LRP8: variants seen among roughly 807,000 people sequenced by gnomAD.
LRP8 encodes the protein low-density lipoprotein receptor-related protein 8.
Under a neutral mutation model 111.6 loss-of-function variants are expected in LRP8, and 46 were observed. That is an observed-to-expected ratio of 0.41 (90% confidence interval 0.33 to 0.53). The LOEUF is 0.53. LRP8 is among the 20% of genes least tolerant of loss of function. LRP8 has a pLI of 0.20. For synonymous variants in LRP8, 464 were observed against 511.2 expected, an observed-to-expected ratio of 0.91 and a Z score of 1.24; for missense variants, 959 against 1,297.4, an observed-to-expected ratio of 0.74 and a Z score of 4.01.
intron 3 of LRP8, among the ~76,000 whole-genome samples, chr1:53,283,051 G>A (rs576617554): frequency 3.3e-5 from 5 of 152,124 alleles, no homozygotes; most frequent in African/African-American, 4.8e-5. Flanking sequence ...TGGTCTGAAC[G>A]TTGGTATCCC....
intron 2 of LRP8, among the ~76,000 whole-genome samples, chr1:53,300,575 G>A (rs1291923334): frequency 2.0e-5 from 3 of 152,314 alleles, no homozygotes; most frequent in Admixed American, 6.5e-5. Context: ...GAAGATCTGC[G>A]GCCCCACTGG....
At position 53,279,195 on chromosome 1, in the gene LRP8, C is replaced by G. The variant is rs114652322; in HGVS notation, c.496+1392G>C. On this transcript the variant is annotated intron_variant, in intron 4 of 18. Coordinates refer to ENST00000306052, the MANE Select transcript of LRP8 (RefSeq NM_004631.5). The surrounding 1 kb of genome is among the most constrained non-coding windows in gnomAD (Gnocchi z 4.4). ...CTACGTAGGCCGAGAGACCCTACTC[C>G]TAGCACTCACAAACGGAAGAAGCTC... Among the ~76,000 whole-genome samples the G allele has an allele frequency of 3.9e-3, 594 of 152,194 alleles. 5 individuals carry two copies. The highest frequency in any genetic ancestry group is 0.014 in the African/African-American group (572 of 41,504).
intron 3 of LRP8, among the ~76,000 whole-genome samples, chr1:53,281,484 C>T (rs1287652954): frequency 6.6e-6 from 1 of 152,240 alleles, no homozygotes; most frequent in Non-Finnish European, 1.5e-5. Context: ...CCGTGGTTGG[C>T]TCCCTTCAGC....
intron 2 of LRP8, among the ~76,000 whole-genome samples, chr1:53,321,785 C>T (rs977574186): frequency 6.6e-6 from 1 of 152,144 alleles, no homozygotes; most frequent in Admixed American, 6.5e-5. Context: ...GGGATGCAGG[C>T]CCTCCTCTCC....
rs1336066931 is a variant in LRP8, at chr1:53,317,847, C to T, written c.244+9026G>A. ...GGAAGAAGGCAGAAGGGAAAGTCACCCAAGGAACCTGGGCCTCAGGGTGGA... is the reference window on the plus strand; with the variant it reads ...GGAAGAAGGCAGAAGGGAAAGTCACTCAAGGAACCTGGGCCTCAGGGTGGA... On this transcript the variant is annotated intron_variant, in intron 2 of 18. Transcript: ENST00000306052. This position sits in a 1 kb window ranked among gnomAD's most constrained non-coding sequence, Gnocchi z 4.9. 6.6e-6 allele frequency among the ~76,000 whole-genome samples: 1 copy of T among 152,182 alleles called. No homozygotes were observed. Among genetic ancestry groups the T allele is most frequent in the Non-Finnish European group, 1.5e-5 (1 of 68,034 alleles).
In LRP8 at chr1:53,270,914, A is replaced by G. The variant is rs1572496974; in HGVS notation, c.1252+114T>C. 4.0e-6 allele frequency: 6 copies of G among 1,497,904 alleles called. No individual in the cohort carries two copies. In the East Asian group the frequency reaches 1.4e-4, roughly 34 times the overall value. The allele number at this position is 1,497,904 out of a possible 1,614,324, so 92.8% of individuals were successfully genotyped here. On this transcript the variant is annotated intron_variant, in intron 8 of 18. Transcript: ENST00000306052. Reference sequence around the variant, plus strand: ...GAGGATTCCCGTACCTCTCAGTAACACAACCTGCCTTCTTGTGTGTGCGCA... The same window carrying G: ...GAGGATTCCCGTACCTCTCAGTAACGCAACCTGCCTTCTTGTGTGTGCGCA...
chr1:53,277,131 GGGGCCCCGCT>G, intron 4 of LRP8, 53 bp from the exon 5 acceptor site: 1 of 1,397,180 alleles, frequency 7.2e-7, no homozygotes, highest in Admixed American at 3.1e-5. Flanking sequence ...CGGCCGACCT[GGGGCCCCGCT>G]GGTCCGGCTA....
intron 13 of LRP8, among the ~76,000 whole-genome samples, 173 bp downstream of exon 13, chr1:53,260,290 TA>T (rs1646280535): frequency 1.3e-5 from 2 of 152,130 alleles, no homozygotes; most frequent in Admixed American, 1.3e-4. Flanking sequence ...GAACTTGAGG[TA>T]AAATGAGACA....
At chr1:53,324,876 C>G (rs1467114259) in intron 2 of LRP8, among the ~76,000 whole-genome samples, 2 of 152,222 alleles carry the variant, frequency 1.3e-5, no homozygotes, top group African/African-American at 4.8e-5. Context: ...GAACTCGAGG[C>G]AGGCAGAGAT....
intron 8 of LRP8, among the ~76,000 whole-genome samples, chr1:53,269,735 C>T (rs374190770): frequency 6.6e-6 from 1 of 152,136 alleles, no homozygotes; most frequent in African/African-American, 2.4e-5. Context: ...TCTATTTTTC[C>T]TTAGCCCTTA....
rs1193083689 is a variant in LRP8, at chr1:53,303,867, C to G, written c.245-14178G>C. Among the ~76,000 whole-genome samples the G allele has an allele frequency of 6.6e-6, 1 of 152,206 alleles. No homozygotes were observed. The highest frequency in any genetic ancestry group is 1.5e-5 in the Non-Finnish European group (1 of 68,038). On this transcript the variant is annotated intron_variant, in intron 2 of 18. Coordinates refer to ENST00000306052, the MANE Select transcript of LRP8 (RefSeq NM_004631.5). The surrounding 1 kb of genome is among the most constrained non-coding windows in gnomAD (Gnocchi z 4.3). ...TCAGCCGTGCTGGCTGGAGGCTGAA[C>G]ACGTTCCTTCCTCTTGAACGGGGAG...
chr1:53,302,856 A>AT lies in LRP8; in HGVS notation c.245-13168dup, dbSNP rs769628078. Among the ~76,000 whole-genome samples the AT allele has an allele frequency of 2.8e-3, 353 of 126,536 alleles. 3 individuals carry two copies. The highest frequency in any genetic ancestry group is 8.5e-3 in the African/African-American group (278 of 32,848). 83.0% of individuals were successfully genotyped at this position (126,536 alleles called of 152,430 possible). A position where few individuals can be genotyped will look rare whatever the true frequency, so the allele number is the denominator to read the frequency against. ...AGGCGTGCACCACCACACCCAGCTA[A>AT]TTTTTTTTTTTTTTTGGATTTTTGT... On this transcript the variant is annotated intron_variant, in intron 2 of 18. Transcript: ENST00000306052.
In LRP8 at chr1:53,280,602, C is replaced by A. The variant is rs1165604688; in HGVS notation, c.481G>T (p.Ala161Ser). 1 of 1,612,754 alleles carries A rather than the reference C, an allele frequency of 6.2e-7. No homozygotes were observed. Among genetic ancestry groups the A allele is most frequent in the Non-Finnish European group, 8.5e-7 (1 of 1,179,974 alleles). ...CCAGACTCACAGGTAGCACAGCCGG[C>A]CTCATCCGCTCCACCCTCGCAGTCC... ...EKDCEGGADE[A>S]GCATLCAPHE... The change falls in exon 4 of 19, where the codon GCC (alanine) becomes TCC (serine). Residue 161 changes from alanine to serine, a missense_variant. Physicochemically the swap from Ala to Ser is moderately conservative, Grantham distance 99. Transcript: ENST00000306052.
At chr1:53,255,478 C>A (rs890993004) in intron 15 of LRP8, among the ~76,000 whole-genome samples, 2 of 152,182 alleles carry the variant, frequency 1.3e-5, no homozygotes, top group South Asian at 2.1e-4. Flanking sequence ...GTCCCATACC[C>A]TTTCCATAGC....
chr1:53,274,712 A>C, intron 6 of LRP8: 1 of 456,278 alleles, frequency 2.2e-6, no homozygotes, highest in Non-Finnish European at 4.4e-6. Flanking sequence ...CACTTTCAGA[A>C]GCTCATCCGA....
At chr1:53,300,446 G>C (rs1261930631) in intron 2 of LRP8, among the ~76,000 whole-genome samples, 1 of 152,232 alleles carries the variant, frequency 6.6e-6, no homozygotes, top group Non-Finnish European at 1.5e-5. Flanking sequence ...TAGGACGTTA[G>C]CAAGCTCGAG....
intron 2 of LRP8, among the ~76,000 whole-genome samples, chr1:53,320,015 C>G (rs891533404): frequency 6.6e-6 from 1 of 152,270 alleles, no homozygotes; most frequent in Non-Finnish European, 1.5e-5. Flanking sequence ...GCGGGGCCAC[C>G]CGGGGCAAGT....
chr1:53,282,058 C>T (rs1215753364), intron 3 of LRP8, among the ~76,000 whole-genome samples: 1 of 152,184 alleles, frequency 6.6e-6, no homozygotes, highest in Non-Finnish European at 1.5e-5. Context: ...ATGCTTCGCC[C>T]TCCATTTTGC....
In LRP8 at chr1:53,242,477, A is replaced by G. The variant is rs1572401458; in HGVS notation, c.*4541T>C. 1.3e-5 allele frequency: 2 copies of G among 152,164 alleles called. No individual in the cohort carries two copies. The highest frequency in any genetic ancestry group is 2.9e-5 in the Non-Finnish European group (2 of 68,048). 9.4% of individuals were successfully genotyped at this position (152,164 alleles called of 1,614,324 possible). A position where few individuals can be genotyped will look rare whatever the true frequency, so the allele number is the denominator to read the frequency against. On this transcript the variant is annotated 3_prime_UTR_variant, in exon 19 of 19. Transcript: ENST00000306052. ...GCCAGTATAGCTAGTGAGATGCAGC[A>G]CCCCATCCTCAGCCCCCTCGCCTCT...
Sources: allele counts gnomAD v4.1 joint callset (sites outside exome capture counted in the v4.1 genomes callset), GRCh38; gene constraint gnomAD v4.1.1; non-coding constraint Gnocchi (gnomAD v3.1); transcripts MANE v1.5; gene names NCBI Gene and HGNC (gene_info 2026-07-23, HGNC 2026-07-21).